GATAD2A: variants seen among roughly 807,000 people sequenced by gnomAD.
GATAD2A encodes the protein GATA zinc finger domain containing 2A.
In GATAD2A, 12 loss-of-function variants were observed where a neutral mutation model predicts 68.5. That is an observed-to-expected ratio of 0.18 (90% CI 0.11 to 0.28). GATAD2A has a LOEUF of 0.28. Ranked by LOEUF, GATAD2A falls within the 10% of genes least tolerant of loss-of-function variation. The pLI is 1.00. For synonymous variants in GATAD2A, 410 were observed against 375.3 expected, an observed-to-expected ratio of 1.09 and a Z score of -1.07; for missense variants, 755 against 868.5, an observed-to-expected ratio of 0.87 and a Z score of 1.64.
At chr19:19,480,601 A>G (rs1249193440) in intron 2 of GATAD2A, among the ~76,000 whole-genome samples, 1 of 152,172 alleles carries the variant, frequency 6.6e-6, no homozygotes, top group Non-Finnish European at 1.5e-5. Flanking sequence ...CAGAGACACT[A>G]CTCAGAGGTT....
At chr19:19,468,081 T>C (rs754255) in intron 2 of GATAD2A, among the ~76,000 whole-genome samples, 29,333 of 152,152 alleles carry the variant, frequency 0.19, 3,053 homozygotes, top group South Asian at 0.35. Flanking sequence ...TCTGGAAAAA[T>C]TGAGCAGGGG....
intron 9 of GATAD2A, among the ~76,000 whole-genome samples, chr19:19,501,700 G>C (rs934766008): frequency 1.3e-5 from 2 of 152,230 alleles, no homozygotes; most frequent in Non-Finnish European, 2.9e-5. Flanking sequence ...TAAATTTGGA[G>C]AGGAACAAGT....
chr19:19,406,334 C>G (rs1184096941), intron 1 of GATAD2A, among the ~76,000 whole-genome samples: 1 of 151,156 alleles, frequency 6.6e-6, no homozygotes, highest in Non-Finnish European at 1.5e-5. Flanking sequence ...CGCGAGGCGC[C>G]TCTTCCGAGT....
chr19:19,464,780 C>T (rs2057737839), intron 1 of GATAD2A: 1 of 166,958 alleles, frequency 6.0e-6, no homozygotes, highest in Non-Finnish European at 1.3e-5. Flanking sequence ...TAAATGTGAT[C>T]CCCAGTCCCC....
intron 1 of GATAD2A, among the ~76,000 whole-genome samples, chr19:19,421,501 C>G (rs2052412225): frequency 6.6e-6 from 1 of 152,198 alleles, no homozygotes; most frequent in Non-Finnish European, 1.5e-5. Context: ...CCTGACCACA[C>G]TGAGAGCAGC....
At chr19:19,403,144 G>A (rs1362345099), upstream of GATAD2A, among the ~76,000 whole-genome samples, 1 of 152,126 alleles carries the variant, frequency 6.6e-6, no homozygotes, top group Non-Finnish European at 1.5e-5. Context: ...TCTAGCCCTA[G>A]TTGTTTCTTA....
At chr19:19,389,954 A>G (rs1400053487) in intron 1 of GATAD2A, among the ~76,000 whole-genome samples, 1 of 152,008 alleles carries the variant, frequency 6.6e-6, no homozygotes, top group Non-Finnish European at 1.5e-5. Context: ...GGTAGAGACG[A>G]GGTCTCACCA....
chr19:19,505,750 C>T lies in GATAD2A; in HGVS notation c.*276C>T, dbSNP rs977444181. On this transcript the variant is annotated 3_prime_UTR_variant, in exon 12 of 12. Transcript: ENST00000683918. ...TTTCTCTCTTTGCCTTTAGTTTGCC[C>T]GACACCAGCAGAAAAGTGGACCTTG... 2.6e-5 allele frequency: 12 copies of T among 467,172 alleles called. No homozygotes were observed. The highest frequency in any genetic ancestry group is 4.3e-5 in the Admixed American group (1 of 23,294). 28.9% of individuals were successfully genotyped at this position (467,172 alleles called of 1,614,324 possible). A position where few individuals can be genotyped will look rare whatever the true frequency, so the allele number is the denominator to read the frequency against.
intron 1 of GATAD2A, among the ~76,000 whole-genome samples, chr19:19,450,754 A>C (rs1188340045): frequency 5.3e-5 from 8 of 151,098 alleles, no homozygotes; most frequent in Non-Finnish European, 1.0e-4. Context: ...AAAAAAAAAA[A>C]AAAAAAAACT....
chr19:19,436,158 CT>C, intron 1 of GATAD2A: 3 of 1,366,318 alleles, frequency 2.2e-6, no homozygotes, highest in Non-Finnish European at 2.9e-6. Context: ...CTCAAGTAGC[CT>C]TTTGATGTCA....
intron 1 of GATAD2A, among the ~76,000 whole-genome samples, chr19:19,417,768 T>C (rs1018589379): frequency 1.3e-5 from 2 of 152,202 alleles, no homozygotes; most frequent in Non-Finnish European, 2.9e-5. Flanking sequence ...TGGATTTGCC[T>C]GACGGAATAA....
chr19:19,493,509 T>TG (rs1352609069), intron 4 of GATAD2A, among the ~76,000 whole-genome samples: 7 of 152,214 alleles, frequency 4.6e-5, no homozygotes, highest in Non-Finnish European at 1.5e-5. Context: ...AGCTCGCTGT[T>TG]GCGCTGCTTC....
At chr19:19,387,793 C>T (rs1483748305) in intron 1 of GATAD2A, among the ~76,000 whole-genome samples, 1 of 152,126 alleles carries the variant, frequency 6.6e-6, no homozygotes, top group African/African-American at 2.4e-5. Context: ...TCTGAGGGGT[C>T]CCCAGTTTCT....
At chr19:19,481,959 T>C (rs1044093234) in intron 2 of GATAD2A, among the ~76,000 whole-genome samples, 4 of 152,036 alleles carry the variant, frequency 2.6e-5, no homozygotes, top group African/African-American at 4.8e-5. Context: ...ACAAATTAAT[T>C]CGCTGGGTGT....
chr19:19,480,740 G>T (rs1421711328), intron 2 of GATAD2A, among the ~76,000 whole-genome samples: 2 of 152,242 alleles, frequency 1.3e-5, no homozygotes, highest in African/African-American at 4.8e-5. Context: ...GGTGCACCCA[G>T]CCCCCTCAGT....
chr19:19,502,424 G>T lies in GATAD2A; in HGVS notation c.1672G>T (p.Ala558Ser). The T allele has an allele frequency of 6.2e-7, 1 of 1,613,776 alleles. No individual in the cohort carries two copies. Among genetic ancestry groups the T allele is most frequent in the Non-Finnish European group, 8.5e-7 (1 of 1,180,000 alleles). Reference protein sequence around the residue: ...PSPKLQNSASATALVSRTGRH... With the variant: ...PSPKLQNSASSTALVSRTGRH... ...ACCCAAACTGCAGAACTCAGCCTCG[G>T]CCACAGCCCTGGTCAGCAGGACCGG... The change falls in exon 11 of 12, where the codon GCC becomes TCC. Residue 558 changes from alanine (A) to serine (S), a missense_variant. Ala to Ser is a moderately conservative substitution (Grantham distance 99). Coordinates refer to ENST00000683918, the MANE Select transcript of GATAD2A (RefSeq NM_001384528.1).
At position 19,450,559 on chromosome 19, in the gene GATAD2A, TCTC is replaced by T. The variant is rs967277706; in HGVS notation, c.-6-14774_-6-14772del. Among the ~76,000 whole-genome samples the T allele has an allele frequency of 1.3e-4, 20 of 152,036 alleles. No individual in the cohort carries two copies. The East Asian group carries it at 3.1e-3, about 24-fold the overall frequency. ...TGTGCCTTTTGACAGCTTTCAGCTT[TCTC>T]CTCCTCTTCAGGACCTGTTAAAGGT... On this transcript the variant is annotated intron_variant, in intron 1 of 11. Coordinates refer to ENST00000683918, the MANE Select transcript of GATAD2A (RefSeq NM_001384528.1).
At chr19:19,390,822 G>C (rs1403303903) in intron 1 of GATAD2A, among the ~76,000 whole-genome samples, 1 of 152,180 alleles carries the variant, frequency 6.6e-6, no homozygotes, top group Non-Finnish European at 1.5e-5. Flanking sequence ...AACCTTGAAA[G>C]AAGAGCCATT....
At chr19:19,483,046 T>C (rs1194861023) in intron 2 of GATAD2A, among the ~76,000 whole-genome samples, 5 of 152,010 alleles carry the variant, frequency 3.3e-5, no homozygotes, top group Non-Finnish European at 5.9e-5. Context: ...CTTCAGGGGC[T>C]GTTGCGTTCC....
Sources: gnomAD v4.1 joint callset for allele counts (sites outside exome capture counted in the v4.1 genomes callset) on GRCh38, gnomAD v4.1.1 for gene constraint, MANE v1.5 for transcripts, NCBI Gene and HGNC (gene_info 2026-07-23, HGNC 2026-07-21) for gene names.